The following SLC4A4 variants were observed in gnomAD, a reference collection of about 807,000 sequenced individuals.
SLC4A4 encodes the protein electrogenic sodium bicarbonate cotransporter 1.
Under a neutral mutation model 111.5 loss-of-function variants are expected in SLC4A4, and 27 were observed. That is an observed-to-expected ratio of 0.24 (90% CI 0.18 to 0.33). The LOEUF (loss-of-function observed/expected upper bound fraction) is 0.33, where lower values mean the gene tolerates loss of function less well. Among genes scored for constraint, SLC4A4 ranks in the 10% least tolerant of loss-of-function variants. The pLI is 1.00. For synonymous variants in SLC4A4, 443 were observed against 463.4 expected (o/e 0.96, Z 0.57); for missense variants, 909 against 1,315.5 (o/e 0.69, Z 4.78).
chr4:71,064,984 A>C lies in SLC4A4; in HGVS notation c.-65+2196A>C, dbSNP rs550504628. ...TTTATTGCCTCCTCTTCTGCCAACAAAAATATAAGATTTGCATGAGTAGGG... is the reference window on the plus strand; with the variant it reads ...TTTATTGCCTCCTCTTCTGCCAACACAAATATAAGATTTGCATGAGTAGGG... On this transcript the variant is annotated intron_variant, in intron 1 of 26. Transcript: ENST00000649996. 2.0e-5 allele frequency among the ~76,000 whole-genome samples: 3 copies of C among 152,288 alleles called. No individual in the cohort carries two copies. The South Asian group carries it at 6.2e-4, about 32-fold the overall frequency.
chr4:71,278,010 A>AC (rs954527608), intron 3 of SLC4A4, among the ~76,000 whole-genome samples: 5 of 152,162 alleles, frequency 3.3e-5, no homozygotes, highest in Non-Finnish European at 5.9e-5. Context: ...GATATTGTTA[A>AC]CTATAGTCAC....
chr4:71,534,610 A>G (rs1734249881), intron 18 of SLC4A4, among the ~76,000 whole-genome samples: 1 of 152,066 alleles, frequency 6.6e-6, no homozygotes, highest in African/African-American at 2.4e-5. Context: ...GTTTCAAATC[A>G]TATTTCTTTC....
intron 1 of SLC4A4, among the ~76,000 whole-genome samples, chr4:71,206,589 A>T (rs1384481880): frequency 5.3e-5 from 8 of 152,132 alleles, no homozygotes; most frequent in Non-Finnish European, 8.8e-5. Context: ...GGAGTTCAAA[A>T]CTGTTTAGTT....
At chr4:71,062,672 G>T (rs1266954092) in exon 1 of SLC4A4, among the ~76,000 whole-genome samples, 1 of 152,168 alleles carries the variant, frequency 6.6e-6, no homozygotes, top group Non-Finnish European at 1.5e-5. Context: ...CAACTCTTGA[G>T]CGTGCATCAT....
chr4:71,204,224 A>AT (rs1441121068), intron 1 of SLC4A4, among the ~76,000 whole-genome samples: 1 of 152,190 alleles, frequency 6.6e-6, no homozygotes, highest in Admixed American at 6.6e-5. Flanking sequence ...ATTGATGATG[A>AT]TTTTTAGCAC....
At chr4:71,551,712 C>T (rs1736010405) in intron 20 of SLC4A4, among the ~76,000 whole-genome samples, 1 of 151,834 alleles carries the variant, frequency 6.6e-6, no homozygotes, top group African/African-American at 2.4e-5. Flanking sequence ...CTTTCATTTT[C>T]CATGAGATGA....
chr4:71,085,268 T>A (rs558518195), intron 1 of SLC4A4, among the ~76,000 whole-genome samples: 1 of 152,106 alleles, frequency 6.6e-6, no homozygotes, highest in South Asian at 2.1e-4. Context: ...TTTTTTCTTG[T>A]AAATTTGTTT....
At chr4:71,495,175 C>G (rs774062959) in intron 15 of SLC4A4, among the ~76,000 whole-genome samples, 2 of 152,014 alleles carry the variant, frequency 1.3e-5, no homozygotes, top group African/African-American at 4.8e-5. Context: ...AGCAAGAAGA[C>G]ATGTCTGTCA....
intron 7 of SLC4A4, among the ~76,000 whole-genome samples, chr4:71,426,660 A>T (rs1394255919): frequency 1.3e-5 from 2 of 152,150 alleles, no homozygotes; most frequent in Admixed American, 6.6e-5. Context: ...GCTGTCTTTG[A>T]TGGCTTCCTT....
chr4:71,240,996 G>A (rs1402877599), intron 2 of SLC4A4, among the ~76,000 whole-genome samples: 1 of 152,008 alleles, frequency 6.6e-6, no homozygotes, highest in African/African-American at 2.4e-5. Context: ...GTGCATGCCT[G>A]TAGTCCCAGC....
intron 7 of SLC4A4, among the ~76,000 whole-genome samples, chr4:71,422,476 A>C (rs552554174): frequency 6.5e-4 from 99 of 152,118 alleles, no homozygotes; most frequent in African/African-American, 2.4e-3. Flanking sequence ...AATCCTCCCT[A>C]ACTCATTTTA....
chr4:71,523,100 A>G (rs894623224), intron 16 of SLC4A4, among the ~76,000 whole-genome samples: 2 of 152,180 alleles, frequency 1.3e-5, no homozygotes, highest in African/African-American at 4.8e-5. Flanking sequence ...CTCAAAAATT[A>G]TCTTGGTGAA....
chr4:71,081,102 G>A (rs1216998069), intron 1 of SLC4A4, among the ~76,000 whole-genome samples: 2 of 151,924 alleles, frequency 1.3e-5, no homozygotes, highest in African/African-American at 2.4e-5. Context: ...GAAGCACAAA[G>A]TGTTTCATAA....
At chr4:71,236,164 A>C (rs758224768) in intron 1 of SLC4A4, 23 of 1,058,196 alleles carry the variant, frequency 2.2e-5, no homozygotes, top group South Asian at 6.5e-5. Context: ...TAAAGAGCTA[A>C]GCACTGAAGC....
In SLC4A4 at chr4:71,538,031, A is replaced by T. The variant is rs143293051; in HGVS notation, c.2442+3643A>T. On this transcript the variant is annotated intron_variant, in intron 18 of 25. Coordinates refer to ENST00000264485, the MANE Select transcript of SLC4A4 (RefSeq NM_001098484.3). The stretch of plus-strand genomic sequence containing the variant: ...TTTCTGTGTCTTTTTGAGCATTTTC[A>T]GATGTTCTGTATTGAGAGGGTTTCT... 3.9e-3 allele frequency among the ~76,000 whole-genome samples: 590 copies of T among 152,086 alleles called. 7 individuals carry two copies. The highest frequency in any genetic ancestry group is 6.8e-3 in the Middle Eastern group (2 of 294).
chr4:71,494,083 C>T (rs1015635562), intron 15 of SLC4A4, among the ~76,000 whole-genome samples: 9 of 151,954 alleles, frequency 5.9e-5, no homozygotes, highest in African/African-American at 2.2e-4. Flanking sequence ...ATGATCAGCT[C>T]TTTCCTGATG....
rs186612054 is a variant in SLC4A4, at chr4:71,101,095, T to C, written c.-2+8303T>C. Among the ~76,000 whole-genome samples, 224 of 151,818 alleles carry C rather than the reference T, an allele frequency of 1.5e-3. 1 individual carries two copies. The highest frequency in any genetic ancestry group is 2.7e-3 in the Non-Finnish European group (182 of 67,926). ...TAACACGGTGAAACCCCATCTCTAC[T>C]AAAAGTACAAAAAATTAGCCAGGCA... On this transcript the variant is annotated intron_variant, in intron 2 of 26. Transcript: ENST00000649996.
intron 2 of SLC4A4, among the ~76,000 whole-genome samples, chr4:71,148,379 G>T (rs565014969): frequency 1.3e-5 from 2 of 152,230 alleles, no homozygotes; most frequent in South Asian, 2.1e-4. Context: ...ACCTTCCAAA[G>T]AAATTAATTT....
chr4:71,367,126 A>G (rs371414392), intron 6 of SLC4A4, among the ~76,000 whole-genome samples: 72 of 152,320 alleles, frequency 4.7e-4, no homozygotes, highest in African/African-American at 1.7e-3. Flanking sequence ...AGAAATTTCC[A>G]GCTTTAGTTC....
Sources: allele counts gnomAD v4.1 joint callset (sites outside exome capture counted in the v4.1 genomes callset), GRCh38; gene constraint gnomAD v4.1.1; transcripts MANE v1.5; gene names NCBI Gene and HGNC (gene_info 2026-07-23, HGNC 2026-07-21).